FANK1: variants seen among roughly 807,000 people sequenced by gnomAD.
FANK1 encodes the protein fibronectin type 3 and ankyrin repeat domains protein 1.
A neutral mutation model predicts 45.3 loss-of-function variants in FANK1; 44 were observed. The observed-to-expected ratio is 0.97, with a 90% confidence interval of 0.76 to 1.25. The LOEUF (loss-of-function observed/expected upper bound fraction) is 1.25. FANK1 is among the 50% of genes most tolerant of loss of function. FANK1 has a pLI of 0.00. For missense variants in FANK1, 391 were observed against 424.4 expected (o/e 0.92, Z 0.69); for synonymous variants, 149 against 152.5 (o/e 0.98, Z 0.17).
chr10:125,986,938 A>T (rs3812684), intron 2 of FANK1, among the ~76,000 whole-genome samples: 4 of 152,124 alleles, frequency 2.6e-5, no homozygotes, highest in Non-Finnish European at 5.9e-5. Flanking sequence ...GCCATGCCTC[A>T]TCCTTTAGGA....
At chr10:125,909,686 C>CTTTT (rs34854157) in intron 1 of FANK1, among the ~76,000 whole-genome samples, 12 of 103,268 alleles carry the variant, frequency 1.2e-4, no homozygotes, top group East Asian at 5.9e-4. Context: ...GACCAATTAA[C>CTTTT]TTTTTTTTTT....
At chr10:125,918,600 A>ATATATATATATATAGT (rs1946681313) in intron 1 of FANK1, among the ~76,000 whole-genome samples, 1 of 134,070 alleles carries the variant, frequency 7.5e-6, no homozygotes, top group Non-Finnish European at 1.6e-5. Flanking sequence ...ATATATATAT[A>ATATATATATATATAGT]TATATATAGT....
At position 125,948,485 on chromosome 10, in the gene FANK1, C is replaced by T. The variant is rs539994961; in HGVS notation, c.14-31676C>T. The stretch of plus-strand genomic sequence containing the variant: ...TACCATCAGAGAATACTACAAACAC[C>T]TCTACGCAAATAAATTAGAAAATCT... On this transcript the variant is annotated intron_variant, in intron 1 of 10. Transcript: ENST00000368693. Among the ~76,000 whole-genome samples, 48 of 152,288 alleles carry T rather than the reference C, an allele frequency of 3.2e-4. No individual in the cohort carries two copies. In the South Asian group the frequency reaches 9.3e-3, roughly 30 times the overall value.
At chr10:125,910,384 GAT>G (rs1297684098) in intron 1 of FANK1, among the ~76,000 whole-genome samples, 2 of 152,216 alleles carry the variant, frequency 1.3e-5, no homozygotes, top group Non-Finnish European at 2.9e-5. Flanking sequence ...AAGTTTCAAA[GAT>G]AAAAAATTAT....
At chr10:125,926,945 C>G (rs1291231552) in intron 1 of FANK1, among the ~76,000 whole-genome samples, 2 of 152,232 alleles carry the variant, frequency 1.3e-5, no homozygotes, top group African/African-American at 2.4e-5. Flanking sequence ...AAAATTTTCA[C>G]CTAGTTAACA....
intron 1 of FANK1, among the ~76,000 whole-genome samples, chr10:125,964,527 C>CT (rs1950108513): frequency 6.6e-6 from 1 of 152,130 alleles, no homozygotes; most frequent in African/African-American, 2.4e-5. Flanking sequence ...CGTTTTACAA[C>CT]TTTCTTTTGT....
At chr10:125,987,878 AATG>A (rs1406954747) in intron 2 of FANK1, among the ~76,000 whole-genome samples, 4 of 152,188 alleles carry the variant, frequency 2.6e-5, no homozygotes, top group African/African-American at 9.7e-5. Context: ...GCAGACTGCA[AATG>A]ATGAGACTCA....
chr10:125,940,191 C>T (rs756933758), intron 1 of FANK1, among the ~76,000 whole-genome samples: 2 of 152,028 alleles, frequency 1.3e-5, no homozygotes, highest in Non-Finnish European at 2.9e-5. Context: ...GAACAGTGGG[C>T]CCAGGAGACC....
chr10:125,976,620 G>T (rs1258967603), intron 1 of FANK1, among the ~76,000 whole-genome samples: 1 of 138,364 alleles, frequency 7.2e-6, no homozygotes. Context: ...TGATTGCATT[G>T]TAAATTTTTT....
chr10:125,988,639 T>A lies in FANK1; in HGVS notation c.280T>A (p.Cys94Ser). 2 of 1,613,982 alleles carry A rather than the reference T, an allele frequency of 1.2e-6. No individual in the cohort carries two copies. The highest frequency in any genetic ancestry group is 8.5e-7 in the Non-Finnish European group (1 of 1,180,000). The change falls in exon 3 of 11, where the codon TGT becomes AGT. Residue 94 changes from cysteine to serine, a missense_variant. By Grantham distance (112) the Cys-to-Ser change is moderately radical. Coordinates refer to ENST00000368693, the MANE Select transcript of FANK1 (RefSeq NM_145235.5). ...GAAGGTCACCAGCCCCTCTGGGGAG[T>A]GTGAGTACAGCCCACTCGTCTCAGT... Reference protein sequence around the residue: ...RLKVTSPSGECEYSPLVSVST... With the variant: ...RLKVTSPSGESEYSPLVSVST...
intron 1 of FANK1, among the ~76,000 whole-genome samples, chr10:125,934,724 G>GCTTTTTTTTTTTTT (rs1564888158): frequency 3.8e-5 from 1 of 26,418 alleles, no homozygotes; most frequent in African/African-American, 1.3e-4. Flanking sequence ...TACCCCTACC[G>GCTTTTTTTTTTTTT]TTTTTTTTTT....
chr10:125,996,696 G>A lies in FANK1; in HGVS notation c.473+72G>A, dbSNP rs1952358072. On this transcript the variant is annotated intron_variant, in intron 5 of 10. Coordinates refer to ENST00000368693, the MANE Select transcript of FANK1 (RefSeq NM_145235.5). ...TATTTTATTCAAAGGCTCTGGTCAGGATAAGGATGGGAGGAAAAAGGGCCA... is the reference window on the plus strand; with the variant it reads ...TATTTTATTCAAAGGCTCTGGTCAGAATAAGGATGGGAGGAAAAAGGGCCA... The A allele has an allele frequency of 6.1e-6, 9 of 1,478,422 alleles. No homozygotes were observed. The South Asian group carries it at 9.7e-5, about 16-fold the overall frequency. The allele number at this position is 1,478,422 out of a possible 1,614,324, so 91.6% of individuals were successfully genotyped here. A position where few individuals can be genotyped will look rare whatever the true frequency, so the allele number is the denominator to read the frequency against.
In FANK1 at chr10:125,940,533, T is replaced by C. The variant is rs556848353; in HGVS notation, c.14-39628T>C. ...TTCTCCTATCTCAGAATAGAACAAA[T>C]GTACGATCGGATTTTATACCGAGAC... On this transcript the variant is annotated intron_variant, in intron 1 of 10. Coordinates refer to ENST00000368693, the MANE Select transcript of FANK1 (RefSeq NM_145235.5). Among the ~76,000 whole-genome samples, 25 of 152,294 alleles carry C rather than the reference T, an allele frequency of 1.6e-4. No individual in the cohort carries two copies. In the South Asian group the frequency reaches 4.8e-3, roughly 29 times the overall value.
chr10:126,008,524 G>A lies in FANK1; in HGVS notation c.823G>A (p.Asp275Asn), dbSNP rs756121842. 12 of 1,612,364 alleles carry A rather than the reference G, an allele frequency of 7.4e-6. No individual in the cohort carries two copies. The highest frequency in any genetic ancestry group is 1.0e-5 in the Non-Finnish European group (12 of 1,179,542). ...TGCTGGGGCCAATGTGAATGTGAAG[G>A]ACAGAAATGGAAAGACGCCCCTTAT... ...IDAGANVNVK[D>N]RNGKTPLMVA... The change falls in exon 8 of 11, where the codon GAC becomes AAC. Residue 275 changes from aspartate (D) to asparagine (N), a missense_variant. By Grantham distance (23) the Asp-to-Asn change is conservative. Coordinates refer to ENST00000368693, the MANE Select transcript of FANK1 (RefSeq NM_145235.5).
intron 2 of FANK1, among the ~76,000 whole-genome samples, chr10:125,982,292 T>C (rs922279295): frequency 7.9e-5 from 12 of 152,342 alleles, no homozygotes; most frequent in South Asian, 6.2e-4. Flanking sequence ...AGAGAAACCA[T>C]AGCTGCGTGT....
At chr10:125,989,689 A>T (rs925307930) in intron 3 of FANK1, among the ~76,000 whole-genome samples, 1 of 152,234 alleles carries the variant, frequency 6.6e-6, no homozygotes, top group Non-Finnish European at 1.5e-5. Flanking sequence ...ATGCAGGTAA[A>T]AAAAGAGGGC....
intron 1 of FANK1, among the ~76,000 whole-genome samples, chr10:125,920,891 C>T: frequency 1.3e-5 from 2 of 152,220 alleles, no homozygotes; most frequent in Non-Finnish European, 2.9e-5. Context: ...AACTAGTGTT[C>T]TTTTGTGGTG....
intron 6 of FANK1, among the ~76,000 whole-genome samples, chr10:126,000,381 A>C (rs571084637): frequency 3.3e-4 from 50 of 152,326 alleles, no homozygotes; most frequent in African/African-American, 1.1e-3. Context: ...ATGTAGTATG[A>C]TACTGGAACA....
intron 1 of FANK1, among the ~76,000 whole-genome samples, chr10:125,965,305 CT>C (rs1222287846): frequency 2.0e-5 from 3 of 152,152 alleles, no homozygotes; most frequent in African/African-American, 7.2e-5. Context: ...GCACATTTTT[CT>C]TAAGAGTGAA....
Sources: gnomAD v4.1 joint callset for allele counts (sites outside exome capture counted in the v4.1 genomes callset) on GRCh38, gnomAD v4.1.1 for gene constraint, MANE v1.5 for transcripts, NCBI Gene and HGNC (gene_info 2026-07-23, HGNC 2026-07-21) for gene names.